The following SPHKAP variants were observed in gnomAD, a reference collection of about 807,000 sequenced individuals.
SPHKAP encodes A-kinase anchor protein SPHKAP.
A neutral mutation model predicts 137.5 loss-of-function variants in SPHKAP; 67 were observed. The observed-to-expected ratio is 0.49, with a 90% confidence interval of 0.40 to 0.60. The LOEUF (loss-of-function observed/expected upper bound fraction) is 0.60. SPHKAP is among the 20% of genes least tolerant of loss of function. SPHKAP has a pLI of 0.00. For synonymous variants in SPHKAP, 813 were observed against 785.3 expected (o/e 1.04, Z -0.59); for missense variants, 2,097 against 2,069.3 (o/e 1.01, Z -0.26).
intron 3 of SPHKAP, among the ~76,000 whole-genome samples, chr2:228,032,423 A>G (rs1574776300): frequency 6.6e-6 from 1 of 152,238 alleles, no homozygotes; most frequent in East Asian, 1.9e-4. Context: ...CCTGAAACTG[A>G]CGGGGAGAAT....
chr2:228,147,121 A>G (rs1487640545), intron 1 of SPHKAP, among the ~76,000 whole-genome samples: 1 of 152,220 alleles, frequency 6.6e-6, no homozygotes. Flanking sequence ...ATTGAACTCC[A>G]CAATATACTT....
Position 228,020,091 on chromosome 2 carries a change from C to G in SPHKAP, c.763G>C (p.Val255Leu), listed in dbSNP as rs1301723490. The G allele has an allele frequency of 6.2e-7, 1 of 1,614,010 alleles. No individual in the cohort carries two copies. Among genetic ancestry groups the G allele is most frequent in the Non-Finnish European group, 8.5e-7 (1 of 1,180,038 alleles). ...ESKQLKGATQVEWNCNKEKWL... is the reference protein window; with the variant it reads ...ESKQLKGATQLEWNCNKEKWL... ...TTTTCCTTGTTGCAATTCCATTCCA[C>G]CTGGGTGGCTCCCTTTAGCTGTTTA... Residue 255 changes from valine to leucine, a missense_variant, in exon 7 of 12, where the codon GTG (valine) becomes CTG (leucine). Coordinates refer to ENST00000392056, the MANE Select transcript of SPHKAP (RefSeq NM_001142644.2).
rs1025761515 is a variant in SPHKAP, at chr2:228,018,150, A to G, written c.2704T>C (p.Ser902Pro). 2.5e-6 allele frequency: 4 copies of G among 1,614,192 alleles called. No homozygotes were observed. The highest frequency in any genetic ancestry group is 3.3e-4 in the Middle Eastern group (2 of 6,062). The change falls in exon 7 of 12, where the codon TCC (serine) becomes CCC (proline). Residue 902 changes from serine to proline, a missense_variant. Coordinates refer to ENST00000392056, the MANE Select transcript of SPHKAP (RefSeq NM_001142644.2). ...AGCAGCAGGTCATCCCCTAACAAGGACAGGTTGACTTGAACTTCGTTGATG... is the reference window on the plus strand; with the variant it reads ...AGCAGCAGGTCATCCCCTAACAAGGGCAGGTTGACTTGAACTTCGTTGATG... ...SRINEVQVNL[S>P]LLGDDLLLPA... is the part of the protein sequence containing the mutation.
At chr2:228,120,626 G>A (rs897362441) in intron 2 of SPHKAP, among the ~76,000 whole-genome samples, 2 of 152,106 alleles carry the variant, frequency 1.3e-5, no homozygotes, top group African/African-American at 4.8e-5. Flanking sequence ...AAGCTACACT[G>A]TATCTTAATG....
chr2:228,047,957 C>T (rs556571438), intron 3 of SPHKAP, among the ~76,000 whole-genome samples: 2 of 152,138 alleles, frequency 1.3e-5, no homozygotes, highest in Non-Finnish European at 2.9e-5. Context: ...AAGGAGAGTA[C>T]ACTGGGAGAG....
At chr2:228,124,818 G>T (rs562356180) in intron 2 of SPHKAP, among the ~76,000 whole-genome samples, 4 of 152,142 alleles carry the variant, frequency 2.6e-5, no homozygotes, top group South Asian at 4.1e-4. Context: ...TAATTAAATT[G>T]CTTTCATTAA....
At chr2:228,157,468 C>T (rs932750571) in intron 1 of SPHKAP, among the ~76,000 whole-genome samples, 20 of 152,006 alleles carry the variant, frequency 1.3e-4, no homozygotes, top group Non-Finnish European at 2.9e-4. Context: ...TTGAATATTC[C>T]AAGGTTTTCT....
intron 3 of SPHKAP, among the ~76,000 whole-genome samples, chr2:228,095,984 T>C (rs1697970201): frequency 6.6e-6 from 1 of 152,190 alleles, no homozygotes; most frequent in Non-Finnish European, 1.5e-5. Flanking sequence ...AAAAATTTGG[T>C]GTGTCTCTCA....
At chr2:228,173,070 T>C (rs987847107) in intron 1 of SPHKAP, 70 of 985,320 alleles carry the variant, frequency 7.1e-5, no homozygotes, top group Non-Finnish European at 8.3e-5. Context: ...CATCCTGATC[T>C]GGTTTTATGT....
chr2:228,066,109 C>A lies in SPHKAP; in HGVS notation c.247-38566G>T, dbSNP rs114225562. ...TGGAATTTAATTATGTCCTTAGAGACTAAGAGCCAAGCAAAACCCTGTAGA... is the reference window on the plus strand; with the variant it reads ...TGGAATTTAATTATGTCCTTAGAGAATAAGAGCCAAGCAAAACCCTGTAGA... On this transcript the variant is annotated intron_variant, in intron 3 of 11. Transcript: ENST00000392056. Among the ~76,000 whole-genome samples, 46 of 152,186 alleles carry A rather than the reference C, an allele frequency of 3.0e-4. 1 individual carries two copies. The highest frequency in any genetic ancestry group is 1.1e-3 in the African/African-American group (45 of 41,534).
At chr2:228,014,563 C>T (rs1336690739) in intron 7 of SPHKAP, among the ~76,000 whole-genome samples, 1 of 152,114 alleles carries the variant, frequency 6.6e-6, no homozygotes, top group Non-Finnish European at 1.5e-5. Flanking sequence ...AGGATTTCAT[C>T]CAATTGGAAA....
At chr2:228,069,808 G>C (rs1418417692) in intron 3 of SPHKAP, among the ~76,000 whole-genome samples, 1 of 152,186 alleles carries the variant, frequency 6.6e-6, no homozygotes, top group East Asian at 1.9e-4. Flanking sequence ...TGGATCAAAT[G>C]TGGATTAGGC....
chr2:228,005,892 T>A (rs1371044197), intron 7 of SPHKAP, among the ~76,000 whole-genome samples: 1 of 151,710 alleles, frequency 6.6e-6, no homozygotes. Context: ...CTCTGTAGAG[T>A]TTCTGCCTAG....
intron 2 of SPHKAP, among the ~76,000 whole-genome samples, chr2:228,128,241 T>G (rs1699138787): frequency 6.6e-6 from 1 of 152,204 alleles, no homozygotes; most frequent in Non-Finnish European, 1.5e-5. Flanking sequence ...TGTTATCAAT[T>G]AAGTTTACGT....
intron 1 of SPHKAP, among the ~76,000 whole-genome samples, chr2:228,150,635 T>G (rs1341785527): frequency 6.6e-6 from 1 of 151,940 alleles, no homozygotes; most frequent in Non-Finnish European, 1.5e-5. Context: ...TTTTTTTTCA[T>G]TTTTATCATT....
At chr2:227,981,886 T>C in intron 11 of SPHKAP, 26 bp from the exon 12 acceptor site, 1 of 1,606,656 alleles carries the variant, frequency 6.2e-7, no homozygotes, top group Non-Finnish European at 8.5e-7. Context: ...GAGTTAGGGC[T>C]CACAGAGCAC....
intron 3 of SPHKAP, among the ~76,000 whole-genome samples, chr2:228,092,828 G>A (rs1318110318): frequency 1.3e-5 from 2 of 152,022 alleles, no homozygotes; most frequent in African/African-American, 2.4e-5. Context: ...AACATCATAT[G>A]TTCTCACTCA....
At chr2:228,171,599 A>C (rs960258560) in intron 1 of SPHKAP, among the ~76,000 whole-genome samples, 1 of 152,172 alleles carries the variant, frequency 6.6e-6, no homozygotes, top group Non-Finnish European at 1.5e-5. Flanking sequence ...TTTGCGAGAG[A>C]TCACAAGAAA....
At chr2:228,154,512 C>CTCTCTATATATATATATA (rs1393941364) in intron 1 of SPHKAP, among the ~76,000 whole-genome samples, 27 of 22,062 alleles carry the variant, frequency 1.2e-3, no homozygotes, top group African/African-American at 1.3e-3. Flanking sequence ...CTCTCTCTCT[C>CTCTCTATATATATATATA]TATATATATA....
Sources: allele counts gnomAD v4.1 joint callset (sites outside exome capture counted in the v4.1 genomes callset), GRCh38; gene constraint gnomAD v4.1.1; transcripts MANE v1.5; gene names NCBI Gene and HGNC (gene_info 2026-07-23, HGNC 2026-07-21).